The following USP42 variants were observed in gnomAD, a reference collection of about 807,000 sequenced individuals.
The protein encoded by USP42 is ubiquitin specific peptidase 42, also known as ubiquitin carboxyl-terminal hydrolase 42.
A neutral mutation model predicts 113.0 loss-of-function variants in USP42; 23 were observed. That is an observed-to-expected ratio of 0.20 (90% CI 0.15 to 0.29). USP42 has a LOEUF of 0.29. Among genes scored for constraint, USP42 ranks in the 10% least tolerant of loss-of-function variants. USP42 has a pLI of 1.00. For synonymous variants in USP42, 933 were observed against 699.0 expected (o/e 1.33, Z -5.28); for missense variants, 2,174 against 1,779.8 (o/e 1.22, Z -3.99).
chr7:6,082,298 T>A, the USP42 span, among the ~76,000 whole-genome samples: 1 of 151,812 alleles, frequency 6.6e-6, no homozygotes, highest in Non-Finnish European at 1.5e-5. Context: ...CCGGCTAATT[T>A]TTTGTATTTT....
At chr7:6,148,519 T>A (rs1021094474) in intron 12 of USP42, among the ~76,000 whole-genome samples, 1 of 152,188 alleles carries the variant, frequency 6.6e-6, no homozygotes, top group African/African-American at 2.4e-5. Context: ...AGGAAAGCGA[T>A]CTGTTTACAA....
Position 6,159,414 on chromosome 7 carries a change from A to T in USP42, c.3944-36A>T, listed in dbSNP as rs1782645499. The T allele has an allele frequency of 1.2e-6, 2 of 1,613,780 alleles. No homozygotes were observed. Among genetic ancestry groups the T allele is most frequent in the Non-Finnish European group, 1.7e-6 (2 of 1,179,828 alleles). ...CAGAGGCCCTGGCGATTTTGCAACC[A>T]TCATTAAAATCTCTTTCCTGACCTT... On this transcript the variant is annotated intron_variant, in intron 16 of 17. Transcript: ENST00000306177. This position sits in a 1 kb window ranked among gnomAD's most constrained non-coding sequence, Gnocchi z 4.1.
intron 14 of USP42, among the ~76,000 whole-genome samples, chr7:6,151,584 T>C (rs1426145873): frequency 6.6e-6 from 1 of 152,032 alleles, no homozygotes; most frequent in Non-Finnish European, 1.5e-5. Flanking sequence ...ACTACAGGCA[T>C]GCGCCACCCC....
At chr7:6,118,221 T>G (rs1032249645) in intron 3 of USP42, among the ~76,000 whole-genome samples, 3 of 152,128 alleles carry the variant, frequency 2.0e-5, no homozygotes, top group South Asian at 4.1e-4. Flanking sequence ...TAGGGAGAAC[T>G]CATCTCTATA....
chr7:6,112,266 T>C (rs1779636552), intron 2 of USP42, among the ~76,000 whole-genome samples: 1 of 152,032 alleles, frequency 6.6e-6, no homozygotes, highest in Admixed American at 6.6e-5. Context: ...CTGGCTAATA[T>C]GGTGAAACCC....
intron 2 of USP42, among the ~76,000 whole-genome samples, chr7:6,113,615 TTG>T (rs1223124159): frequency 5.3e-5 from 8 of 152,002 alleles, no homozygotes; most frequent in Non-Finnish European, 1.0e-4. Context: ...TTGGTTTTTT[TTG>T]TTTTTGTTTT....
At chr7:6,116,102 T>G (rs1779896474) in intron 3 of USP42, among the ~76,000 whole-genome samples, 1 of 102,998 alleles carries the variant, frequency 9.7e-6, no homozygotes, top group Admixed American at 1.0e-4. Context: ...AGACCCTGTC[T>G]CAAAAAAAAA....
At chr7:6,116,260 C>G (rs1779907028) in intron 3 of USP42, among the ~76,000 whole-genome samples, 1 of 152,166 alleles carries the variant, frequency 6.6e-6, no homozygotes, top group South Asian at 2.1e-4. Flanking sequence ...TGCCCGCAAC[C>G]TCCTGGAATT....
intron 14 of USP42, 40 bp from the exon 15 acceptor site, chr7:6,153,716 C>CCT: frequency 7.0e-7 from 1 of 1,426,804 alleles, no homozygotes; most frequent in Non-Finnish European, 9.2e-7. Flanking sequence ...GCCTGTCAAG[C>CCT]CCACGCTAAC....
In USP42 at chr7:6,160,958, T is replaced by C. The variant is rs1039554586; in HGVS notation, c.*440T>C. 6.6e-6 allele frequency: 1 copy of C among 152,662 alleles called. No individual in the cohort carries two copies. Among genetic ancestry groups the C allele is most frequent in the Non-Finnish European group, 1.5e-5 (1 of 68,052 alleles). The allele number at this position is 152,662 out of a possible 1,614,324, so 9.5% of individuals were successfully genotyped here. On this transcript the variant is annotated 3_prime_UTR_variant, in exon 18 of 18. Coordinates refer to ENST00000306177, the MANE Select transcript of USP42 (RefSeq NM_032172.3). ...TGTGTATATTTAATTTAAAGACTTATTTAAAAACTCACAAGCTCTCACCTA... is the reference window on the plus strand; with the variant it reads ...TGTGTATATTTAATTTAAAGACTTACTTAAAAACTCACAAGCTCTCACCTA...
At chr7:6,153,276 A>G (rs893652278) in intron 14 of USP42, among the ~76,000 whole-genome samples, 12 of 150,016 alleles carry the variant, frequency 8.0e-5, no homozygotes, top group African/African-American at 2.8e-4. Context: ...CTGTCCTTCA[A>G]AAAAACAAAA....
chr7:6,117,533 G>C (rs1779978176), intron 3 of USP42, among the ~76,000 whole-genome samples: 1 of 152,180 alleles, frequency 6.6e-6, no homozygotes, highest in Non-Finnish European at 1.5e-5. Flanking sequence ...GTTAGGACAT[G>C]TTTTCATTTC....
At chr7:6,146,287 G>T in intron 11 of USP42, 39 bp downstream of exon 11, 1 of 1,214,436 alleles carries the variant, frequency 8.2e-7, no homozygotes, top group Admixed American at 2.6e-5. Context: ...TTTCTGGTAT[G>T]TCATTTCTTC....
chr7:6,129,203 C>T (rs1780704867), intron 3 of USP42, among the ~76,000 whole-genome samples: 1 of 152,156 alleles, frequency 6.6e-6, no homozygotes, highest in Non-Finnish European at 1.5e-5. Flanking sequence ...GTTTGAGGGA[C>T]GTATAGAAAC....
chr7:6,150,958 C>T lies in USP42; in HGVS notation c.2201+452C>T, dbSNP rs545482304. 9.2e-5 allele frequency among the ~76,000 whole-genome samples: 14 copies of T among 152,344 alleles called. No homozygotes were observed. The South Asian group carries it at 2.7e-3, about 29-fold the overall frequency. On this transcript the variant is annotated intron_variant, in intron 14 of 17. Transcript: ENST00000306177. ...ATCGTTTGGGGATGTGGTTGTCATG[C>T]CAGCACCACAGTGTGTCACACAGAC...
At chr7:6,127,714 A>G (rs1780614984) in intron 3 of USP42, among the ~76,000 whole-genome samples, 1 of 152,124 alleles carries the variant, frequency 6.6e-6, no homozygotes. Context: ...GATTCCTTCC[A>G]CTTTATTCTT....
intron 3 of USP42, among the ~76,000 whole-genome samples, chr7:6,129,184 AT>A (rs1419133713): frequency 2.0e-5 from 3 of 152,100 alleles, no homozygotes; most frequent in African/African-American, 7.2e-5. Context: ...TGGTATTGTC[AT>A]TTTACTAGTT....
Position 6,159,347 on chromosome 7 carries a change from C to A in USP42, c.3944-103C>A. 1 of 1,502,088 alleles carries A rather than the reference C, an allele frequency of 6.7e-7. No individual in the cohort carries two copies. The highest frequency in any genetic ancestry group is 9.2e-7 in the Non-Finnish European group (1 of 1,089,298). 93.0% of individuals were successfully genotyped at this position (1,502,088 alleles called of 1,614,324 possible). Reference sequence around the variant, plus strand: ...AGTGGCCTCAGGCGCTCACAGGGAACCGCAGTGACTCTGACCATAGCCACT... The same window carrying A: ...AGTGGCCTCAGGCGCTCACAGGGAAACGCAGTGACTCTGACCATAGCCACT... On this transcript the variant is annotated intron_variant, in intron 16 of 17. Coordinates refer to ENST00000306177, the MANE Select transcript of USP42 (RefSeq NM_032172.3). This position sits in a 1 kb window ranked among gnomAD's most constrained non-coding sequence, Gnocchi z 4.1.
At chr7:6,135,718 C>A in intron 3 of USP42, 123 bp from the exon 4 acceptor site, 1 of 332,566 alleles carries the variant, frequency 3.0e-6, no homozygotes. Flanking sequence ...AAGTAGATAG[C>A]TCAAGGCATG....
Sources: allele counts gnomAD v4.1 joint callset (sites outside exome capture counted in the v4.1 genomes callset), GRCh38; gene constraint gnomAD v4.1.1; non-coding constraint Gnocchi (gnomAD v3.1); transcripts MANE v1.5; gene names NCBI Gene and HGNC (gene_info 2026-07-23, HGNC 2026-07-21).